Variants in LRRC57 observed in about 807,000 individuals in gnomAD.
LRRC57 encodes leucine rich repeat containing 57.
Under a neutral mutation model 23.1 loss-of-function variants are expected in LRRC57, and 14 were observed. The observed-to-expected ratio is 0.61, with a 90% CI of 0.40 to 0.95. LRRC57 has a LOEUF of 0.95. LRRC57 is among the 40% of genes least tolerant of loss of function. The pLI, the probability that LRRC57 is intolerant of heterozygous loss-of-function variation, is 0.00. For missense variants in LRRC57, 236 were observed against 284.4 expected, an observed-to-expected ratio of 0.83 and a Z score of 1.22; for synonymous variants, 106 against 115.2, an observed-to-expected ratio of 0.92 and a Z score of 0.51.
Position 42,540,468 on chromosome 15 carries a change from G to C in LRRC57, c.*3615C>G, listed in dbSNP as rs1368781467. The stretch of plus-strand genomic sequence containing the variant: ...AGATACTATGTCATTTTGTATAAGG[G>C]ACTTGAGCATCATGGACTTGGTATC... On this transcript the variant is annotated 3_prime_UTR_variant, in exon 6 of 6. Coordinates refer to ENST00000397130, the MANE Select transcript of LRRC57 (RefSeq NM_153260.3). 1 of 152,134 alleles carries C rather than the reference G, an allele frequency of 6.6e-6. No individual in the cohort carries two copies. The highest frequency in any genetic ancestry group is 6.6e-5 in the Admixed American group (1 of 15,266). 9.4% of individuals were successfully genotyped at this position (152,134 alleles called of 1,614,324 possible). A position where few individuals can be genotyped will look rare whatever the true frequency, so the allele number is the denominator to read the frequency against.
rs1407961038 is a variant in LRRC57, at chr15:42,539,296, T to C, written c.*4787A>G. 2 of 151,522 alleles carry C rather than the reference T, an allele frequency of 1.3e-5. No homozygotes were observed. Among genetic ancestry groups the C allele is most frequent in the African/African-American group, 2.4e-5 (1 of 41,156 alleles). The allele number at this position is 151,522 out of a possible 1,614,324, so 9.4% of individuals were successfully genotyped here. ...GAGTCTGAGATAAGCCTGGCTAACATAGTGAAACCCCATTTTACTAAAAAT... is the reference window on the plus strand; with the variant it reads ...GAGTCTGAGATAAGCCTGGCTAACACAGTGAAACCCCATTTTACTAAAAAT... On this transcript the variant is annotated 3_prime_UTR_variant, in exon 6 of 6. Transcript: ENST00000397130.
rs980054192 is a variant in LRRC57 at position 42,544,976 on chromosome 15, A to T, written c.678+101T>A. The T allele has an allele frequency of 5.4e-6, 5 of 929,410 alleles. No homozygotes were observed. In the Admixed American group the frequency reaches 8.6e-5, roughly 16 times the overall value. The allele number at this position is 929,410 out of a possible 1,614,324, so 57.6% of individuals were successfully genotyped here. ...GAATCTACTTCCAAAATGGGGAAGA[A>T]CAAATCCTGTTGACATGAGCTATAA... On this transcript the variant is annotated intron_variant, in intron 5 of 5. Transcript: ENST00000397130.
In LRRC57 at chr15:42,543,171, C is replaced by T. The variant is rs538829555; in HGVS notation, c.*912G>A. On this transcript the variant is annotated 3_prime_UTR_variant, in exon 6 of 6. Coordinates refer to ENST00000397130, the MANE Select transcript of LRRC57 (RefSeq NM_153260.3). ...GGCGTGAGTCGCCGTGCCCAGCCAACAAAGCGTACTTTAAAAAAAAAAAAT... is the reference window on the plus strand; with the variant it reads ...GGCGTGAGTCGCCGTGCCCAGCCAATAAAGCGTACTTTAAAAAAAAAAAAT... The T allele has an allele frequency of 6.6e-6, 1 of 150,718 alleles. No individual in the cohort carries two copies. The highest frequency in any genetic ancestry group is 2.4e-5 in the African/African-American group (1 of 41,044). 9.3% of individuals were successfully genotyped at this position (150,718 alleles called of 1,614,324 possible).
Position 42,548,758 on chromosome 15 carries a change from C to A in LRRC57, c.-88G>T. The A allele has an allele frequency of 1.3e-6, 1 of 752,430 alleles. No individual in the cohort carries two copies. The highest frequency in any genetic ancestry group is 2.1e-6 in the Non-Finnish European group (1 of 468,130). 46.6% of individuals were successfully genotyped at this position (752,430 alleles called of 1,614,324 possible). ...CCCAGGACCCGCAGTAGCCGGGATG[C>A]GCTCCCCGGCTTAGTCCCGGGCGGG... On this transcript the variant is annotated 5_prime_UTR_variant, in exon 1 of 6. Transcript: ENST00000397130.
downstream of LRRC57, among the ~76,000 whole-genome samples, chr15:42,534,148 T>G (rs1216980063): frequency 1.3e-5 from 2 of 152,222 alleles, no homozygotes; most frequent in Non-Finnish European, 2.9e-5. Flanking sequence ...TTTGTTTTTT[T>G]GAGAAGGAGT....
rs2057673853 is a variant in LRRC57, at chr15:42,548,240, G to A, written c.89C>T (p.Pro30Leu). The A allele has an allele frequency of 1.2e-6, 2 of 1,614,074 alleles. No individual in the cohort carries two copies. Among genetic ancestry groups the A allele is most frequent in the Non-Finnish European group, 1.7e-6 (2 of 1,180,046 alleles). The change falls in exon 3 of 6, where the codon CCC (proline) becomes CTC (leucine). Residue 30 changes from proline (P) to leucine (L), a missense_variant. Physicochemically the swap from Pro to Leu is moderately conservative, Grantham distance 98. Coordinates refer to ENST00000397130, the MANE Select transcript of LRRC57 (RefSeq NM_153260.3). Reference protein sequence around the residue: ...QLKDRGLTEFPADLQKLTSNL... With the variant: ...QLKDRGLTEFLADLQKLTSNL... ...GCTCGTCAGCTTCTGCAAGTCTGCG[G>A]GGAACTGGAGAAAGGAGTTCACAGC...
chr15:42,531,786 A>G, the LRRC57 span: 70 of 210,218 alleles, frequency 3.3e-4, no homozygotes, highest in African/African-American at 1.6e-3. Flanking sequence ...ATTTGGAAGC[A>G]TTGCCAAAGA....
downstream of LRRC57, among the ~76,000 whole-genome samples, chr15:42,534,376 G>A (rs1263167591): frequency 1.3e-5 from 2 of 151,986 alleles, no homozygotes; most frequent in South Asian, 2.1e-4. Flanking sequence ...TGATCTACCC[G>A]CCTCTGCCTC....
At chr15:42,535,783 G>A (rs2057597765), downstream of LRRC57, among the ~76,000 whole-genome samples, 1 of 152,310 alleles carries the variant, frequency 6.6e-6, no homozygotes, top group African/African-American at 2.4e-5. Context: ...TCAATATTCT[G>A]TCTCAGATTA....
At position 42,543,983 on chromosome 15, in the gene LRRC57, T is replaced by C. The variant is rs1342779062; in HGVS notation, c.*100A>G. The C allele has an allele frequency of 2.4e-6, 2 of 833,716 alleles. No homozygotes were observed. Among genetic ancestry groups the C allele is most frequent in the Admixed American group, 2.1e-5 (1 of 47,168 alleles). 51.6% of individuals were successfully genotyped at this position (833,716 alleles called of 1,614,324 possible). Reference sequence around the variant, plus strand: ...ATCTCCTGAAGTATCATCTCCTTACTGTAGATACCCCTAACAACAACAGGA... The same window carrying C: ...ATCTCCTGAAGTATCATCTCCTTACCGTAGATACCCCTAACAACAACAGGA... On this transcript the variant is annotated 3_prime_UTR_variant, in exon 6 of 6. Transcript: ENST00000397130.
chr15:42,533,827 G>A (rs2057585889), downstream of LRRC57, among the ~76,000 whole-genome samples: 1 of 152,204 alleles, frequency 6.6e-6, no homozygotes, highest in Admixed American at 6.5e-5. Flanking sequence ...ATGAATTTTG[G>A]TTTCCCAGTG....
rs1408704531 is a variant in LRRC57, at chr15:42,541,995, G to GT, written c.*2087dup. Reference sequence around the variant, plus strand: ...AGGATGGTCTCGATCTCTTGACCTCGTGATCTGCCCGCCTCGGCCTCCCAA... The same window carrying GT: ...AGGATGGTCTCGATCTCTTGACCTCGTTGATCTGCCCGCCTCGGCCTCCCAA... On this transcript the variant is annotated 3_prime_UTR_variant, in exon 6 of 6. Coordinates refer to ENST00000397130, the MANE Select transcript of LRRC57 (RefSeq NM_153260.3). The GT allele has an allele frequency of 2.0e-5, 3 of 151,020 alleles. No homozygotes were observed. The highest frequency in any genetic ancestry group is 4.4e-5 in the Non-Finnish European group (3 of 67,868). The allele number at this position is 151,020 out of a possible 1,614,324, so 9.4% of individuals were successfully genotyped here.
Position 42,542,460 on chromosome 15 carries a change from T to C in LRRC57, c.*1623A>G, listed in dbSNP as rs1025160063. ...GCATGAAACATGTCTTCCTAATCTA[T>C]TTATAGGTTTAAGTTCTCCTGTCCT... On this transcript the variant is annotated 3_prime_UTR_variant, in exon 6 of 6. Coordinates refer to ENST00000397130, the MANE Select transcript of LRRC57 (RefSeq NM_153260.3). 1 of 152,358 alleles carries C rather than the reference T, an allele frequency of 6.6e-6. No homozygotes were observed. Among genetic ancestry groups the C allele is most frequent in the Admixed American group, 6.5e-5 (1 of 15,292 alleles). The allele number at this position is 152,358 out of a possible 1,614,324, so 9.4% of individuals were successfully genotyped here.
downstream of LRRC57, among the ~76,000 whole-genome samples, chr15:42,537,515 C>T (rs2057606830): frequency 6.6e-6 from 1 of 152,098 alleles, no homozygotes; most frequent in South Asian, 2.1e-4. Context: ...AATTACCATA[C>T]TATCCAGCAA....
chr15:42,544,858 A>ATATATATATATATATATATATATATC (rs1173358007), intron 5 of LRRC57, among the ~76,000 whole-genome samples: 6 of 148,880 alleles, frequency 4.0e-5, no homozygotes, highest in African/African-American at 1.3e-4. Context: ...ATATATATAT[A>ATATATATATATATATATATATATATC]TCAAAAGACA....
chr15:42,547,524 G>A lies in LRRC57; in HGVS notation c.229C>T (p.Leu77=). 1 of 1,595,206 alleles carries A rather than the reference G, an allele frequency of 6.3e-7. No individual in the cohort carries two copies. The highest frequency in any genetic ancestry group is 2.2e-5 in the East Asian group (1 of 44,568). ...LSLNNNKLTV[L]PDEICNLKKL... ...TTCAGATTGCATATCTCATCAGGCA[G>A]AACAGCTGGCAAAGAAAAATTTTTT... Residue 77 remains leucine, a synonymous_variant, in exon 4 of 6, where the codon CTG becomes TTG. Coordinates refer to ENST00000397130, the MANE Select transcript of LRRC57 (RefSeq NM_153260.3).
rs961890856 is a variant in LRRC57, at chr15:42,539,697, A to G, written c.*4386T>C. On this transcript the variant is annotated 3_prime_UTR_variant, in exon 6 of 6. Transcript: ENST00000397130. ...GGGTCTTTAGACCACAAGCTAGTTT[A>G]CTTGATTAGCTCATATTTAAATCTA... 6.6e-6 allele frequency: 1 copy of G among 152,166 alleles called. No homozygotes were observed. The highest frequency in any genetic ancestry group is 2.4e-5 in the African/African-American group (1 of 41,440). 9.4% of individuals were successfully genotyped at this position (152,166 alleles called of 1,614,324 possible). A position where few individuals can be genotyped will look rare whatever the true frequency, so the allele number is the denominator to read the frequency against.
In LRRC57 at chr15:42,548,410, G is replaced by T; in HGVS notation, c.25C>A (p.His9Asn). 6.2e-7 allele frequency: 1 copy of T among 1,614,042 alleles called. No individual in the cohort carries two copies. The highest frequency in any genetic ancestry group is 8.5e-7 in the Non-Finnish European group (1 of 1,180,034). Residue 9 changes from histidine (H) to asparagine (N), a missense_variant, in exon 2 of 6, where the codon CAT becomes AAT. Transcript: ENST00000397130. ...CCAGTTTTCTGCGCCGTTTCCACAT[G>T]AGCGCGGAGCGCACTGTTTCCCATC... is the stretch of plus-strand genomic sequence containing the variant. Reference protein sequence around the residue: MGNSALRAHVETAQKTGVF... With the variant: MGNSALRANVETAQKTGVF...
In LRRC57 at chr15:42,543,540, T is replaced by G. The variant is rs2057641900; in HGVS notation, c.*543A>C. The G allele has an allele frequency of 6.6e-6, 1 of 152,332 alleles. No homozygotes were observed. The highest frequency in any genetic ancestry group is 1.5e-5 in the Non-Finnish European group (1 of 68,128). The allele number at this position is 152,332 out of a possible 1,614,324, so 9.4% of individuals were successfully genotyped here. A position where few individuals can be genotyped will look rare whatever the true frequency, so the allele number is the denominator to read the frequency against. On this transcript the variant is annotated 3_prime_UTR_variant, in exon 6 of 6. Transcript: ENST00000397130. Reference sequence around the variant, plus strand: ...ATCAAGACAAACAGTCACACATTTATGTACATCCTAAAGTCCTAGTATAAA... The same window carrying G: ...ATCAAGACAAACAGTCACACATTTAGGTACATCCTAAAGTCCTAGTATAAA...
Sources: allele counts gnomAD v4.1 joint callset (sites outside exome capture counted in the v4.1 genomes callset), GRCh38; gene constraint gnomAD v4.1.1; transcripts MANE v1.5; gene names NCBI Gene and HGNC (gene_info 2026-07-23, HGNC 2026-07-21).